EP400: variants seen among roughly 807,000 people sequenced by gnomAD.
The protein encoded by EP400 is E1A-binding protein p400.
In EP400, 105 loss-of-function variants were observed where a neutral mutation model predicts 354.1. That is an observed-to-expected ratio of 0.30 (90% confidence interval 0.25 to 0.35). The LOEUF is 0.35. Among genes scored for constraint, EP400 ranks in the 10% least tolerant of loss-of-function variants. The probability of loss-of-function intolerance (pLI) is 1.00; values close to 1 mark genes in which losing one functional copy is unlikely to be tolerated. For missense variants in EP400, 3,280 were observed against 4,121.0 expected, an observed-to-expected ratio of 0.80 and a Z score of 5.59; for synonymous variants, 1,646 against 1,716.9, an observed-to-expected ratio of 0.96 and a Z score of 1.02.
At chr12:132,065,061 A>AT (rs1220729199) in intron 48 of EP400, 175 bp downstream of exon 48, 1 of 1,196,520 alleles carries the variant, frequency 8.4e-7, no homozygotes, top group African/African-American at 1.5e-5. Context: ...CTCGTGGAAC[A>AT]TTAACACAGC....
At chr12:132,045,070 G>A in intron 37 of EP400, 117 bp downstream of exon 37, 1 of 1,448,502 alleles carries the variant, frequency 6.9e-7, no homozygotes, top group South Asian at 1.3e-5. Context: ...TGCAGGGCTA[G>A]CGATCACACG....
At chr12:131,983,079 A>G (rs1892736948) in intron 5 of EP400, among the ~76,000 whole-genome samples, 1 of 152,178 alleles carries the variant, frequency 6.6e-6, no homozygotes, top group African/African-American at 2.4e-5. Context: ...GCATGGTGTC[A>G]GTTATCCCTT....
intron 30 of EP400, among the ~76,000 whole-genome samples, chr12:132,034,011 C>T (rs1593362283): frequency 6.6e-6 from 1 of 152,252 alleles, no homozygotes; most frequent in East Asian, 1.9e-4. Flanking sequence ...TTCAGTTGCA[C>T]ATCTTCCCAG....
intron 2 of EP400, among the ~76,000 whole-genome samples, chr12:131,971,961 G>A (rs1026253746): frequency 2.0e-5 from 3 of 152,042 alleles, no homozygotes; most frequent in Non-Finnish European, 4.4e-5. Context: ...TCTTTTGTAT[G>A]TGTGATGTAT....
intron 30 of EP400, 108 bp downstream of exon 30, chr12:132,032,257 A>G (rs1894538630): frequency 4.6e-6 from 6 of 1,291,032 alleles, no homozygotes; most frequent in Non-Finnish European, 6.4e-6. Context: ...GAAGCTTTGC[A>G]GGAGATATTG....
intron 24 of EP400, among the ~76,000 whole-genome samples, chr12:132,024,628 C>A (rs1266853673): frequency 6.6e-6 from 1 of 152,174 alleles, no homozygotes; most frequent in Non-Finnish European, 1.5e-5. Context: ...GGATCATTTG[C>A]TCCCTGTGTT....
chr12:131,955,086 T>G (rs1486676581), intron 1 of EP400, among the ~76,000 whole-genome samples: 1 of 152,152 alleles, frequency 6.6e-6, no homozygotes, highest in Non-Finnish European at 1.5e-5. Flanking sequence ...CGTTAAAAAT[T>G]TTTAAAGTTG....
intron 12 of EP400, among the ~76,000 whole-genome samples, chr12:132,003,551 G>A (rs565327013): frequency 6.6e-6 from 1 of 152,202 alleles, no homozygotes; most frequent in African/African-American, 2.4e-5. Flanking sequence ...TCCATATGTG[G>A]AGGCTGATTT....
chr12:132,069,622 A>G lies in EP400; in HGVS notation c.9002A>G (p.Gln3001Arg). 6.2e-7 allele frequency: 1 copy of G among 1,614,208 alleles called. No individual in the cohort carries two copies. The highest frequency in any genetic ancestry group is 1.1e-5 in the South Asian group (1 of 91,084). The stretch of plus-strand genomic sequence containing the variant: ...GCCCAGAAACTGGCCGGGGCCCAGC[A>G]AGTGCAGACCCAGATCCAGGTGAGC... ...SQAQKLAGAQ[Q>R]VQTQIQVAKL... The change falls in exon 51 of 53, where the codon CAA (glutamine) becomes CGA (arginine). Residue 3001 changes from glutamine to arginine, a missense_variant. Transcript: ENST00000389561.
intron 30 of EP400, among the ~76,000 whole-genome samples, chr12:132,033,759 T>C (rs533649069): frequency 6.6e-6 from 1 of 152,210 alleles, no homozygotes; most frequent in East Asian, 1.9e-4. Context: ...CCCAAACTCC[T>C]GGGCTCAAAC....
intron 19 of EP400, among the ~76,000 whole-genome samples, chr12:132,016,168 C>T (rs1438531141): frequency 6.6e-6 from 1 of 152,176 alleles, no homozygotes; most frequent in Non-Finnish European, 1.5e-5. Context: ...GTAAGTCCTT[C>T]CCTGGCCTCT....
chr12:131,971,257 C>T (rs1892279667), intron 2 of EP400, among the ~76,000 whole-genome samples: 1 of 152,104 alleles, frequency 6.6e-6, no homozygotes, highest in Non-Finnish European at 1.5e-5. Context: ...TTATCTTTCT[C>T]TGGCTTATTT....
chr12:131,981,297 C>G (rs1409806640), intron 3 of EP400, among the ~76,000 whole-genome samples, 192 bp from the exon 4 acceptor site: 1 of 152,114 alleles, frequency 6.6e-6, no homozygotes, highest in Non-Finnish European at 1.5e-5. Context: ...TTTCATGATG[C>G]TTTTTCTTAT....
At chr12:131,986,903 T>C in intron 6 of EP400, 96 bp downstream of exon 6, 1 of 1,396,970 alleles carries the variant, frequency 7.2e-7, no homozygotes, top group Non-Finnish European at 9.8e-7. Flanking sequence ...ACCGAATGCC[T>C]GGTCAATTCA....
Position 132,029,498 on chromosome 12 carries a change from G to A in EP400, c.5382-203G>A. On this transcript the variant is annotated intron_variant, in intron 27 of 52. Transcript: ENST00000389561. This position sits in a 1 kb window ranked among gnomAD's most constrained non-coding sequence, Gnocchi z 4.7. ...TGTCTGAATTAGTCCCCGAGGTGGT[G>A]GTTATTGGCCAGGACTGGTTAGGAT... The A allele has an allele frequency of 1.6e-6, 1 of 607,306 alleles. No individual in the cohort carries two copies. The highest frequency in any genetic ancestry group is 2.0e-5 in the South Asian group (1 of 50,198). The allele number at this position is 607,306 out of a possible 1,614,324, so 37.6% of individuals were successfully genotyped here. A position where few individuals can be genotyped will look rare whatever the true frequency, so the allele number is the denominator to read the frequency against.
chr12:131,965,648 CT>C (rs1183437405), intron 2 of EP400, among the ~76,000 whole-genome samples: 1 of 152,202 alleles, frequency 6.6e-6, no homozygotes, highest in Non-Finnish European at 1.5e-5. Flanking sequence ...TCACGCCTCC[CT>C]TGACCTTTGT....
In EP400 at chr12:132,025,876, G is replaced by A; in HGVS notation, c.5014+72G>A. On this transcript the variant is annotated intron_variant, in intron 25 of 52. Coordinates refer to ENST00000389561, the MANE Select transcript of EP400 (RefSeq NM_015409.5). The surrounding 1 kb of genome is among the most constrained non-coding windows in gnomAD (Gnocchi z 4.1). ...CTCTTCCATCTAAGGCGAGTGGAAA[G>A]CATTCATGTGTCTTTGACTGTATCT... 1.4e-6 allele frequency: 2 copies of A among 1,460,678 alleles called. No homozygotes were observed. The highest frequency in any genetic ancestry group is 2.4e-5 in the East Asian group (1 of 41,924). The allele number at this position is 1,460,678 out of a possible 1,614,324, so 90.5% of individuals were successfully genotyped here.
At chr12:132,003,003 C>T (rs542512912) in intron 12 of EP400, among the ~76,000 whole-genome samples, 1 of 152,114 alleles carries the variant, frequency 6.6e-6, no homozygotes, top group Non-Finnish European at 1.5e-5. Flanking sequence ...ATTTGATCAA[C>T]TACAGATAGA....
rs1025143445 is a variant in EP400 at position 132,062,052 on chromosome 12, G to A, written c.7885-58G>A. Reference sequence around the variant, plus strand: ...CTCTTGTCTTCCCTGCTCTGAGTGTGAACAGCCCTGAGTGCTGTGTGAAAT... The same window carrying A: ...CTCTTGTCTTCCCTGCTCTGAGTGTAAACAGCCCTGAGTGCTGTGTGAAAT... On this transcript the variant is annotated intron_variant, in intron 45 of 52. Coordinates refer to ENST00000389561, the MANE Select transcript of EP400 (RefSeq NM_015409.5). 34 of 1,481,886 alleles carry A rather than the reference G, an allele frequency of 2.3e-5. No homozygotes were observed. In the African/African-American group the frequency reaches 3.7e-4, roughly 16 times the overall value. 91.8% of individuals were successfully genotyped at this position (1,481,886 alleles called of 1,614,324 possible). A position where few individuals can be genotyped will look rare whatever the true frequency, so the allele number is the denominator to read the frequency against.
Sources: allele counts gnomAD v4.1 joint callset (sites outside exome capture counted in the v4.1 genomes callset), GRCh38; gene constraint gnomAD v4.1.1; non-coding constraint Gnocchi (gnomAD v3.1); transcripts MANE v1.5; gene names NCBI Gene and HGNC (gene_info 2026-07-23, HGNC 2026-07-21).